ABCC4: variants seen among roughly 807,000 people sequenced by gnomAD.
The protein encoded by ABCC4 is ATP-binding cassette sub-family C member 4.
ABCC4 carries 102 observed loss-of-function variants against 168.5 expected under a neutral mutation model. The observed-to-expected ratio is 0.61, with a 90% CI of 0.52 to 0.71. The LOEUF (loss-of-function observed/expected upper bound fraction) is 0.71, where lower values mean the gene tolerates loss of function less well. Among genes scored for constraint, ABCC4 ranks in the 30% least tolerant of loss-of-function variants. ABCC4 has a pLI of 0.00. For missense variants in ABCC4, 1,402 were observed against 1,605.8 expected, an observed-to-expected ratio of 0.87 and a Z score of 2.17; for synonymous variants, 617 against 590.7, an observed-to-expected ratio of 1.04 and a Z score of -0.65.
intron 4 of ABCC4, among the ~76,000 whole-genome samples, chr13:95,220,632 C>G (rs1042237156): frequency 6.6e-6 from 1 of 152,200 alleles, no homozygotes; most frequent in Non-Finnish European, 1.5e-5. Flanking sequence ...GTAATGCCTT[C>G]ATCTCTTTCA....
chr13:95,107,100 T>TA (rs1188057865), intron 20 of ABCC4, among the ~76,000 whole-genome samples: 2 of 151,638 alleles, frequency 1.3e-5, no homozygotes, highest in Admixed American at 1.3e-4. Flanking sequence ...CTACTAAAAA[T>TA]AAAAAAATTA....
At position 95,206,583 on chromosome 13, in the gene ABCC4, G is replaced by A. The variant is rs1353887186; in HGVS notation, c.1110C>T (p.Pro370=). The change falls in exon 8 of 31, where the codon CCC becomes CCT. Residue 370 remains proline, a synonymous_variant. Transcript: ENST00000645237. The stretch of plus-strand genomic sequence containing the variant: ...CCTCTGACACCCTCTCAATGGCTGA[G>A]GGGAAGAAGAGGGTAACCGTCAGCC... ...AVRLTVTLFF[P]SAIERVSEAI... is the part of the protein sequence containing the mutation. 6.2e-7 allele frequency: 1 copy of A among 1,614,168 alleles called. No individual in the cohort carries two copies. Among genetic ancestry groups the A allele is most frequent in the Non-Finnish European group, 8.5e-7 (1 of 1,180,032 alleles).
intron 20 of ABCC4, among the ~76,000 whole-genome samples, chr13:95,102,105 C>T (rs1374611821): frequency 6.6e-6 from 1 of 152,104 alleles, no homozygotes; most frequent in South Asian, 2.1e-4. Context: ...TTCCAAGCCT[C>T]TCCCATTCCA....
At chr13:95,270,017 C>G (rs1322880781) in intron 1 of ABCC4, among the ~76,000 whole-genome samples, 1 of 152,080 alleles carries the variant, frequency 6.6e-6, no homozygotes, top group Non-Finnish European at 1.5e-5. Flanking sequence ...CATTACTGTT[C>G]CCTCTACTTT....
At chr13:95,169,623 C>A (rs2037398821) in intron 14 of ABCC4, among the ~76,000 whole-genome samples, 2 of 152,136 alleles carry the variant, frequency 1.3e-5, no homozygotes, top group African/African-American at 4.8e-5. Flanking sequence ...ACCTCAAGTC[C>A]CAGCGAGGCA....
chr13:95,120,567 CAAAAAA>C (rs35906536), intron 19 of ABCC4, among the ~76,000 whole-genome samples: 3 of 90,844 alleles, frequency 3.3e-5, no homozygotes, highest in African/African-American at 4.6e-5. Context: ...GAGACTCCGT[CAAAAAA>C]AAAAAAAAAA....
intron 22 of ABCC4, among the ~76,000 whole-genome samples, chr13:95,074,823 C>A (rs1594053136): frequency 6.6e-6 from 1 of 152,168 alleles, no homozygotes; most frequent in Middle Eastern, 3.4e-3. Flanking sequence ...TGTTTGTTTG[C>A]TACTTCTTTT....
At chr13:95,285,322 G>A (rs546134534) in intron 1 of ABCC4, among the ~76,000 whole-genome samples, 17 of 152,046 alleles carry the variant, frequency 1.1e-4, no homozygotes, top group Non-Finnish European at 1.8e-4. Context: ...AGGCTGAGGC[G>A]GGAGGATCAC....
rs151207644 is a variant in ABCC4, at chr13:95,268,432, C to T, written c.75-20679G>A. On this transcript the variant is annotated intron_variant, in intron 1 of 30. Coordinates refer to ENST00000645237, the MANE Select transcript of ABCC4 (RefSeq NM_005845.5). ...AAGACCTGACCGTACCCCTGCCCAA[C>T]ACCCTAAAGGGTCTGTGCTGAGGAG... Among the ~76,000 whole-genome samples the T allele has an allele frequency of 7.2e-4, 109 of 152,304 alleles. 1 individual carries two copies. In the East Asian group the frequency reaches 0.02, roughly 28 times the overall value.
At chr13:95,054,211 C>T (rs1302339581) in intron 26 of ABCC4, among the ~76,000 whole-genome samples, 1 of 151,886 alleles carries the variant, frequency 6.6e-6, no homozygotes, top group Admixed American at 6.5e-5. Flanking sequence ...ACTAAGAAAG[C>T]AGGGTTACCT....
chr13:95,130,261 T>C (rs1264134010), intron 19 of ABCC4, among the ~76,000 whole-genome samples: 1 of 152,180 alleles, frequency 6.6e-6, no homozygotes, highest in African/African-American at 2.4e-5. Context: ...ACTGTATATT[T>C]ACTATTTTTA....
chr13:95,244,620 A>AG lies in ABCC4; in HGVS notation c.306+2354dup, dbSNP rs1491090721. 3.3e-3 allele frequency among the ~76,000 whole-genome samples: 143 copies of AG among 43,356 alleles called. 36 individuals are homozygous for AG. Among genetic ancestry groups the AG allele is most frequent in the South Asian group, 3.3e-3 (5 of 1,498 alleles). The allele number at this position is 43,356 out of a possible 152,430, so 28.4% of individuals were successfully genotyped here. On this transcript the variant is annotated intron_variant, in intron 3 of 30. Transcript: ENST00000645237. ...ATGAAAGAAAGAAAGAAAGAAAGAA[A>AG]GAAAGAAAGAAAGAAAGAAAGAAAG...
chr13:95,123,071 AT>A (rs986034241), intron 19 of ABCC4, among the ~76,000 whole-genome samples: 5 of 152,220 alleles, frequency 3.3e-5, no homozygotes, highest in African/African-American at 1.2e-4. Context: ...GATCCTTCTC[AT>A]TTTTTTCCCC....
At chr13:95,265,430 G>GAA (rs11435237) in intron 1 of ABCC4, among the ~76,000 whole-genome samples, 2 of 146,808 alleles carry the variant, frequency 1.4e-5, no homozygotes, top group East Asian at 2.0e-4. Flanking sequence ...GACACAATAA[G>GAA]AAAAAAAAAA....
At chr13:95,255,730 CCTGTCCACCT>C (rs2138833830) in intron 1 of ABCC4, among the ~76,000 whole-genome samples, 1 of 152,292 alleles carries the variant, frequency 6.6e-6, no homozygotes, top group African/African-American at 2.4e-5. Context: ...CAATGTGGAC[CCTGTCCACCT>C]CTCTTCCGGG....
At position 95,234,976 on chromosome 13, in the gene ABCC4, G is replaced by A. The variant is rs187391867; in HGVS notation, c.307-142C>T. On this transcript the variant is annotated intron_variant, in intron 3 of 30. Transcript: ENST00000645237. ...CACAATCCCAGCTCACAGCAGCCTC[G>A]AACTCCCTAACTCAAGCAATCCTCA... The A allele has an allele frequency of 3.3e-4, 211 of 648,800 alleles. No homozygotes were observed. In the African/African-American group the frequency reaches 3.4e-3, roughly 11 times the overall value. 40.2% of individuals were successfully genotyped at this position (648,800 alleles called of 1,614,324 possible). A position where few individuals can be genotyped will look rare whatever the true frequency, so the allele number is the denominator to read the frequency against.
At chr13:95,157,989 A>G (rs2036932150) in intron 19 of ABCC4, among the ~76,000 whole-genome samples, 1 of 151,166 alleles carries the variant, frequency 6.6e-6, no homozygotes, top group Non-Finnish European at 1.5e-5. Flanking sequence ...AGAGAATGGC[A>G]TGAACCCAGG....
rs1433628190 is a variant in ABCC4, at chr13:95,031,007, T to G, written c.3870+3598A>C. Among the ~76,000 whole-genome samples, 6 of 152,362 alleles carry G rather than the reference T, an allele frequency of 3.9e-5. No individual in the cohort carries two copies. The East Asian group carries it at 1.2e-3, about 29-fold the overall frequency. On this transcript the variant is annotated intron_variant, in intron 30 of 30. Coordinates refer to ENST00000645237, the MANE Select transcript of ABCC4 (RefSeq NM_005845.5). ...AGAATACGTGACTTGGAAGTACCTT[T>G]TCCCAGATGTTGAGTTTTCCTTCCA...
At chr13:95,213,835 G>A (rs2039032210) in intron 4 of ABCC4, among the ~76,000 whole-genome samples, 1 of 152,092 alleles carries the variant, frequency 6.6e-6, no homozygotes, top group South Asian at 2.1e-4. Context: ...AAAACTCAAT[G>A]CTCTTTAATC....
Sources: allele counts gnomAD v4.1 joint callset (sites outside exome capture counted in the v4.1 genomes callset), GRCh38; gene constraint gnomAD v4.1.1; transcripts MANE v1.5; gene names NCBI Gene and HGNC (gene_info 2026-07-23, HGNC 2026-07-21).